The following AGBL1 variants were observed in gnomAD, a reference collection of about 807,000 sequenced individuals.
The protein encoded by AGBL1 is cytosolic carboxypeptidase 4.
In AGBL1, 130 loss-of-function variants were observed where a neutral mutation model predicts 118.9. The ratio of observed to expected loss-of-function variants is 1.09; its 90% CI spans 0.95 to 1.26. The LOEUF (loss-of-function observed/expected upper bound fraction) is 1.26, where lower values mean the gene tolerates loss of function less well. AGBL1 is among the 50% of genes most tolerant of loss of function. AGBL1 has a pLI of 0.00. For missense variants in AGBL1, 1,584 were observed against 1,298.1 expected (o/e 1.22, Z -3.38); for synonymous variants, 555 against 478.9 (o/e 1.16, Z -2.08).
At chr15:86,824,486 A>T (rs2078980949) in intron 22 of AGBL1, among the ~76,000 whole-genome samples, 1 of 152,124 alleles carries the variant, frequency 6.6e-6, no homozygotes, top group Non-Finnish European at 1.5e-5. Flanking sequence ...GGAAAACTCT[A>T]TATAGTAAAG....
intron 7 of AGBL1, among the ~76,000 whole-genome samples, chr15:86,249,178 C>A (rs1314212708): frequency 6.6e-6 from 1 of 152,170 alleles, no homozygotes; most frequent in Non-Finnish European, 1.5e-5. Context: ...TGCTCACCCA[C>A]CTTCTCCTGG....
At position 86,601,801 on chromosome 15, in the gene AGBL1, G is replaced by A. The variant is rs187749863; in HGVS notation, c.2994+47264G>A. The stretch of plus-strand genomic sequence containing the variant: ...CACCATGTTATTTTATTTTGAGGTG[G>A]TTTAGGCAAATTATCATCATTACTC... On this transcript the variant is annotated intron_variant, in intron 21 of 22. Transcript: ENST00000614907. Among the ~76,000 whole-genome samples, 15 of 152,176 alleles carry A rather than the reference G, an allele frequency of 9.9e-5. No homozygotes were observed. In the East Asian group the frequency reaches 2.9e-3, roughly 29 times the overall value.
intron 22 of AGBL1, among the ~76,000 whole-genome samples, chr15:86,708,872 C>G (rs1412523862): frequency 6.6e-6 from 1 of 152,110 alleles, no homozygotes; most frequent in African/African-American, 2.4e-5. Flanking sequence ...TAATTTTGCA[C>G]ACTTGCCAAG....
chr15:86,423,151 C>A (rs2081815354), intron 18 of AGBL1, among the ~76,000 whole-genome samples: 1 of 152,158 alleles, frequency 6.6e-6, no homozygotes, highest in Non-Finnish European at 1.5e-5. Context: ...AAGTTCAGGC[C>A]AATATCCCTG....
At chr15:86,163,554 C>A (rs2077296245) in intron 5 of AGBL1, among the ~76,000 whole-genome samples, 1 of 151,912 alleles carries the variant, frequency 6.6e-6, no homozygotes, top group Non-Finnish European at 1.5e-5. Flanking sequence ...GTGATGAAAC[C>A]CTATCTCTAC....
intron 16 of AGBL1, among the ~76,000 whole-genome samples, chr15:86,289,964 C>T (rs1018236795): frequency 1.3e-5 from 2 of 152,236 alleles, no homozygotes; most frequent in African/African-American, 4.8e-5. Flanking sequence ...TTTTAGAGAC[C>T]CATTGTTCTA....
chr15:86,423,630 A>G (rs183710255), intron 18 of AGBL1, among the ~76,000 whole-genome samples: 2 of 152,334 alleles, frequency 1.3e-5, no homozygotes, highest in Admixed American at 1.3e-4. Flanking sequence ...TTGTATATAT[A>G]GAAAACCCAT....
rs1567242877 is a variant in AGBL1, at chr15:86,925,151, AGGAGGAGGAGGAG to A, written c.3222-62834_3222-62822del. 2.4e-4 allele frequency among the ~76,000 whole-genome samples: 29 copies of A among 121,878 alleles called. 1 individual carries two copies. The highest frequency in any genetic ancestry group is 1.1e-3 in the African/African-American group (27 of 23,506). 80.0% of individuals were successfully genotyped at this position (121,878 alleles called of 152,430 possible). A position where few individuals can be genotyped will look rare whatever the true frequency, so the allele number is the denominator to read the frequency against. ...GAGGAAGAGGAAGAGGAAGAGGAGGAGGAGGAGGAGGAGGAGGAAGAGGAAGAGGAAGAGGAAG... is the reference window on the plus strand; with the variant it reads ...GAGGAAGAGGAAGAGGAAGAGGAGGAGAGGAAGAGGAAGAGGAAGAGGAAG... On this transcript the variant is annotated intron_variant, in intron 23 of 24. Transcript: ENST00000441037.
At chr15:86,266,620 C>T (rs181274054) in intron 12 of AGBL1, among the ~76,000 whole-genome samples, 163 bp downstream of exon 12, 6 of 152,272 alleles carry the variant, frequency 3.9e-5, no homozygotes, top group East Asian at 1.9e-4. Context: ...TAAGAATCAT[C>T]GGCCAGGCGC....
intron 21 of AGBL1, among the ~76,000 whole-genome samples, chr15:86,647,765 T>C (rs1005939955): frequency 1.3e-5 from 2 of 152,152 alleles, no homozygotes. Flanking sequence ...ATGAATCATA[T>C]AGATTACTAG....
At chr15:86,579,402 A>T (rs1006894536) in intron 21 of AGBL1, among the ~76,000 whole-genome samples, 4 of 152,238 alleles carry the variant, frequency 2.6e-5, no homozygotes, top group Non-Finnish European at 4.4e-5. Context: ...AATGTGAATT[A>T]TGACTGTTAA....
intron 7 of AGBL1, among the ~76,000 whole-genome samples, chr15:86,253,451 T>G (rs7182840): frequency 0.61 from 93,266 of 151,750 alleles, 30,221 homozygotes; most frequent in African/African-American, 0.82. Context: ...GGATTTCACC[T>G]TGTTGGCCAG....
chr15:86,839,208 A>G (rs1459862409), intron 22 of AGBL1, among the ~76,000 whole-genome samples: 3 of 152,128 alleles, frequency 2.0e-5, no homozygotes, highest in Non-Finnish European at 4.4e-5. Flanking sequence ...AAGACAAGAA[A>G]ACCAAATTCT....
chr15:86,331,010 T>C (rs1357393302), intron 17 of AGBL1, among the ~76,000 whole-genome samples: 2 of 152,028 alleles, frequency 1.3e-5, no homozygotes, highest in East Asian at 1.9e-4. Context: ...TGGATCATGA[T>C]GTCAGGAGTT....
chr15:86,868,521 C>T (rs1438905338), intron 22 of AGBL1, among the ~76,000 whole-genome samples: 2 of 152,196 alleles, frequency 1.3e-5, no homozygotes, highest in African/African-American at 2.4e-5. Context: ...GGGACACATT[C>T]AACTATCACA....
intron 17 of AGBL1, among the ~76,000 whole-genome samples, chr15:86,321,490 C>T (rs978928316): frequency 1.3e-4 from 20 of 151,790 alleles, no homozygotes; most frequent in Non-Finnish European, 1.9e-4. Context: ...TCAGAGAGGC[C>T]GGGTGCAGTG....
At chr15:86,974,426 T>TAAAC (rs1179194864) in intron 23 of AGBL1, among the ~76,000 whole-genome samples, 13 of 118,560 alleles carry the variant, frequency 1.1e-4, no homozygotes, top group Non-Finnish European at 1.2e-4. Flanking sequence ...ACATATTTTA[T>TAAAC]ATATTAAATA....
At chr15:86,781,084 A>T (rs922255538) in intron 22 of AGBL1, among the ~76,000 whole-genome samples, 3 of 152,202 alleles carry the variant, frequency 2.0e-5, no homozygotes, top group Non-Finnish European at 4.4e-5. Context: ...AGCACCCTTT[A>T]AAATATTTGT....
At chr15:86,567,722 C>A (rs77617328) in intron 21 of AGBL1, among the ~76,000 whole-genome samples, 3,390 of 152,126 alleles carry the variant, frequency 0.022, 64 homozygotes, top group Middle Eastern at 0.065. Flanking sequence ...AGATTGAGGA[C>A]CACCTCAAAC....
Sources: gnomAD v4.1 joint callset for allele counts (sites outside exome capture counted in the v4.1 genomes callset) on GRCh38, gnomAD v4.1.1 for gene constraint, MANE v1.5 for transcripts, NCBI Gene and HGNC (gene_info 2026-07-23, HGNC 2026-07-21) for gene names.